UBE2A: variants seen among roughly 807,000 people sequenced by gnomAD.
UBE2A encodes ubiquitin conjugating enzyme E2 A.
For missense variants in UBE2A, 27 were observed against 125.8 expected (o/e 0.21, Z 3.76); for synonymous variants, 39 against 41.1 (o/e 0.95, Z 0.20).
In UBE2A at chrX:119,583,752, G is replaced by T. The variant is rs1034122895; in HGVS notation, c.*497G>T. 2 of 123,580 alleles carry T rather than the reference G, an allele frequency of 1.6e-5. No individual in the cohort carries two copies. Among genetic ancestry groups the T allele is most frequent in the Admixed American group, 8.2e-5 (1 of 12,139 alleles). The allele number at this position is 123,580 out of a possible 1,213,427, so 10.2% of individuals were successfully genotyped here. On this transcript the variant is annotated 3_prime_UTR_variant, in exon 6 of 6. Transcript: ENST00000371558. Reference sequence around the variant, plus strand: ...GTAAACAATTTTGAAGGAGGCATGGGAGCTAAAAATCCTGTGATACTAAGA... The same window carrying T: ...GTAAACAATTTTGAAGGAGGCATGGTAGCTAAAAATCCTGTGATACTAAGA...
In UBE2A at chrX:119,575,584, C is replaced by G. The variant is rs1414465466; in HGVS notation, c.151+184C>G. ...GATATTGTATGCTTGACTAGAACTG[C>G]ACCTTTCTTCTTGCTTTCTTAAAAA... On this transcript the variant is annotated intron_variant, in intron 3 of 5. Transcript: ENST00000371558. 9 of 491,745 alleles carry G rather than the reference C, an allele frequency of 1.8e-5. No individual in the cohort carries two copies. In the East Asian group the frequency reaches 3.0e-4, roughly 16 times the overall value. The allele number at this position is 491,745 out of a possible 1,213,427, so 40.5% of individuals were successfully genotyped here.
At chrX:119,582,832 G>C (rs1380281158) in intron 5 of UBE2A, among the ~76,000 whole-genome samples, 156 bp downstream of exon 5, 2 of 111,095 alleles carry the variant, frequency 1.8e-5, no homozygotes, top group Non-Finnish European at 3.8e-5. Context: ...ACCCAAGTCA[G>C]CTGGGTACAG....
At chrX:119,575,480 C>G in intron 3 of UBE2A, 80 bp downstream of exon 3, 8 of 1,159,312 alleles carry the variant, frequency 6.9e-6, no homozygotes, top group Non-Finnish European at 9.4e-6. Flanking sequence ...GGAAGTGTCT[C>G]CTGCTTAGGA....
chrX:119,576,754 TATC>T (rs1256500986), intron 3 of UBE2A, among the ~76,000 whole-genome samples: 1 of 111,654 alleles, frequency 9.0e-6, no homozygotes, highest in East Asian at 2.8e-4. Flanking sequence ...CCTGGGTAAA[TATC>T]ATTACTCTTC....
At chrX:119,579,283 G>T (rs903842427) in intron 3 of UBE2A, among the ~76,000 whole-genome samples, 1 of 112,019 alleles carries the variant, frequency 8.9e-6, no homozygotes, top group African/African-American at 3.2e-5. Context: ...AGGAACTTGT[G>T]AGCCACCAAT....
chrX:119,578,289 T>C (rs1029948787), intron 3 of UBE2A, among the ~76,000 whole-genome samples: 1 of 112,340 alleles, frequency 8.9e-6, no homozygotes, highest in African/African-American at 3.2e-5. Context: ...GTATACATGC[T>C]AAATACAAAG....
At chrX:119,579,057 T>C (rs770796606) in intron 3 of UBE2A, among the ~76,000 whole-genome samples, 4 of 112,449 alleles carry the variant, frequency 3.6e-5, no homozygotes, top group African/African-American at 1.3e-4. Context: ...TTCTGATTAG[T>C]GTGACTAAAA....
In UBE2A at chrX:119,577,634, G is replaced by A. The variant is rs866289476; in HGVS notation, c.151+2234G>A. On this transcript the variant is annotated intron_variant, in intron 3 of 5. Coordinates refer to ENST00000371558, the MANE Select transcript of UBE2A (RefSeq NM_003336.4). ...TGGTTCCCCCACAAAAAAAATTTTA[G>A]CTTTTTTTTTTTTTTTTTTTTTTGA... is the stretch of plus-strand genomic sequence containing the variant. Among the ~76,000 whole-genome samples the A allele has an allele frequency of 9.0e-3, 514 of 57,223 alleles. 5 individuals are homozygous for A. Among genetic ancestry groups the A allele is most frequent in the African/African-American group, 0.032 (496 of 15,363 alleles). The allele number at this position is 57,223 out of a possible 115,157, so 49.7% of individuals were successfully genotyped here. A position where few individuals can be genotyped will look rare whatever the true frequency, so the allele number is the denominator to read the frequency against.
intron 3 of UBE2A, among the ~76,000 whole-genome samples, chrX:119,577,684 A>G (rs753197105): frequency 8.2e-5 from 6 of 72,934 alleles, no homozygotes; most frequent in African/African-American, 3.5e-4. Context: ...CTTGTCACCC[A>G]GGCTGGAGTG....
At position 119,578,427 on chromosome X, in the gene UBE2A, A is replaced by C. The variant is rs576002898; in HGVS notation, c.151+3027A>C. ...GTATAAATCGTTTTTATTTTTTTTT[A>C]ATTTTTGGAAATGTTTCTGAGTCAT... On this transcript the variant is annotated intron_variant, in intron 3 of 5. Coordinates refer to ENST00000371558, the MANE Select transcript of UBE2A (RefSeq NM_003336.4). 6.5e-4 allele frequency among the ~76,000 whole-genome samples: 72 copies of C among 111,112 alleles called. 1 individual carries two copies. In the South Asian group the frequency reaches 0.022, roughly 33 times the overall value.
At chrX:119,575,545 G>T in intron 3 of UBE2A, 145 bp downstream of exon 3, 1 of 751,567 alleles carries the variant, frequency 1.3e-6, no homozygotes, top group South Asian at 2.3e-5. Context: ...TGCAGTGTGT[G>T]GCTGGTGGTT....
At chrX:119,575,304 A>G in intron 2 of UBE2A, 71 bp from the exon 3 acceptor site, 1 of 1,181,544 alleles carries the variant, frequency 8.5e-7, no homozygotes, top group South Asian at 1.8e-5. Context: ...AGCTCGGGAT[A>G]GCCATCTCAG....
intron 5 of UBE2A, among the ~76,000 whole-genome samples, chrX:119,582,894 CTTGAGTTCAGGAGTTTGA>C (rs1437857575): frequency 9.2e-6 from 1 of 108,648 alleles, no homozygotes; most frequent in Admixed American, 9.9e-5. Context: ...GGGAGGATTG[CTTGAGTTCAGGAGTTTGA>C]GACCAGCCTG....
chrX:119,575,082 A>G (rs1247472766), intron 2 of UBE2A, 101 bp downstream of exon 2: 3 of 1,054,583 alleles, frequency 2.8e-6, no homozygotes, highest in Middle Eastern at 2.5e-4. Flanking sequence ...CGGGTAGGGG[A>G]AAATGTTTGG....
rs2053464420 is a variant in UBE2A, at chrX:119,583,380, T to G, written c.*125T>G. On this transcript the variant is annotated 3_prime_UTR_variant, in exon 6 of 6. Coordinates refer to ENST00000371558, the MANE Select transcript of UBE2A (RefSeq NM_003336.4). ...AAATAACTGTTGTGCTGTTTCCATC[T>G]TCCTTGCCAAGTTTTCCTACCCCTT... is the stretch of plus-strand genomic sequence containing the variant. The G allele has an allele frequency of 9.5e-7, 1 of 1,052,033 alleles. No individual in the cohort carries two copies. The highest frequency in any genetic ancestry group is 1.3e-6 in the Non-Finnish European group (1 of 764,915). The allele number at this position is 1,052,033 out of a possible 1,213,427, so 86.7% of individuals were successfully genotyped here. A position where few individuals can be genotyped will look rare whatever the true frequency, so the allele number is the denominator to read the frequency against.
chrX:119,575,298 C>T (rs1278684122), intron 2 of UBE2A, 77 bp from the exon 3 acceptor site: 1 of 1,176,396 alleles, frequency 8.5e-7, no homozygotes, highest in African/African-American at 1.8e-5. Context: ...TGGCAGAGCT[C>T]GGGATAGCCA....
intron 3 of UBE2A, among the ~76,000 whole-genome samples, chrX:119,577,784 G>A (rs185516513): frequency 8.3e-4 from 90 of 109,003 alleles, no homozygotes; most frequent in African/African-American, 2.9e-3. Flanking sequence ...GGGATTGCAG[G>A]CACCTACCAC....
In UBE2A at chrX:119,574,753, G is replaced by A. The variant is rs1228614743; in HGVS notation, c.42G>A (p.Lys14=). The A allele has an allele frequency of 3.4e-6, 4 of 1,192,660 alleles. No individual in the cohort carries two copies. Among genetic ancestry groups the A allele is most frequent in the Non-Finnish European group, 4.5e-6 (4 of 886,514 alleles). ...PARRRLMRDF[K]RLQEDPPAGV... ...GGCGGCGCCTCATGCGGGACTTCAA[G>A]AGGTAAACCGAGGGGACGGCCGAGG... Residue 14 remains lysine (K), a splice_region_variant and synonymous_variant, in exon 1 of 6, where the codon AAG becomes AAA. Transcript: ENST00000371558.
chrX:119,575,489 G>A (rs2053410459), intron 3 of UBE2A, 89 bp downstream of exon 3: 20 of 1,128,014 alleles, frequency 1.8e-5, no homozygotes, highest in Non-Finnish European at 2.4e-5. Context: ...TCCTGCTTAG[G>A]AACCTGCCTC....
Sources: gnomAD v4.1 joint callset for allele counts (sites outside exome capture counted in the v4.1 genomes callset) on GRCh38, gnomAD v4.1.1 for gene constraint, MANE v1.5 for transcripts, NCBI Gene and HGNC (gene_info 2026-07-23, HGNC 2026-07-21) for gene names.